Variants in CFAP58 observed in about 807,000 individuals in gnomAD.
CFAP58 encodes cilia- and flagella-associated protein 58.
A neutral mutation model predicts 119.5 loss-of-function variants in CFAP58; 88 were observed. The observed-to-expected ratio is 0.74, with a 90% CI of 0.62 to 0.88. The LOEUF is 0.88. Ranked by LOEUF, CFAP58 falls within the 40% of genes least tolerant of loss-of-function variation. The probability of loss-of-function intolerance (pLI) is 0.00; values close to 1 mark genes in which losing one functional copy is unlikely to be tolerated. For synonymous variants in CFAP58, 365 were observed against 366.3 expected (o/e 1.00, Z 0.04); for missense variants, 990 against 1,021.2 (o/e 0.97, Z 0.42).
At chr10:104,357,940 T>C (rs931341684) in intron 1 of CFAP58, among the ~76,000 whole-genome samples, 11 of 130,428 alleles carry the variant, frequency 8.4e-5, no homozygotes, top group Admixed American at 4.2e-4. Flanking sequence ...TACACACATA[T>C]ATGTACACAT....
intron 15 of CFAP58, among the ~76,000 whole-genome samples, chr10:104,423,654 T>G (rs2012696640): frequency 6.6e-6 from 1 of 152,140 alleles, no homozygotes; most frequent in African/African-American, 2.4e-5. Flanking sequence ...AATTTCTCAG[T>G]GGAACATTTA....
intron 15 of CFAP58, among the ~76,000 whole-genome samples, chr10:104,430,498 A>C (rs2012828072): frequency 6.6e-6 from 1 of 152,268 alleles, no homozygotes; most frequent in Admixed American, 6.5e-5. Context: ...AGCTTAATAC[A>C]CAATTTTCCA....
intron 9 of CFAP58, among the ~76,000 whole-genome samples, chr10:104,391,898 G>T (rs1490486356): frequency 6.6e-6 from 1 of 152,178 alleles, no homozygotes; most frequent in South Asian, 2.1e-4. Context: ...GTTTAAGCCT[G>T]TGACTATTTT....
chr10:104,358,169 CAG>C (rs1441002161), intron 1 of CFAP58, among the ~76,000 whole-genome samples, 170 bp from the exon 2 acceptor site: 1 of 143,116 alleles, frequency 7.0e-6, no homozygotes, highest in Non-Finnish European at 1.5e-5. Context: ...ACATAAGCAT[CAG>C]GGTCTGAACA....
chr10:104,392,185 G>A (rs1217930236), intron 9 of CFAP58, 48 bp from the exon 10 acceptor site: 2 of 1,542,824 alleles, frequency 1.3e-6, no homozygotes, highest in African/African-American at 1.4e-5. Flanking sequence ...GAACCAATAA[G>A]CACAGATGGG....
upstream of CFAP58, chr10:104,353,728 C>G (rs924060647): frequency 1.6e-6 from 1 of 642,066 alleles, no homozygotes; most frequent in Non-Finnish European, 2.7e-6. Flanking sequence ...GCTAGCGCCC[C>G]TAGAGGGCGT....
intron 8 of CFAP58, 30 bp from the exon 9 acceptor site, chr10:104,379,999 A>T: frequency 1.3e-6 from 2 of 1,591,574 alleles, no homozygotes; most frequent in Non-Finnish European, 1.7e-6. Context: ...CATTATGAGT[A>T]ATGTGACTGC....
intron 7 of CFAP58, among the ~76,000 whole-genome samples, chr10:104,375,886 T>C (rs2011650228): frequency 6.6e-6 from 1 of 152,114 alleles, no homozygotes; most frequent in South Asian, 2.1e-4. Context: ...AAGGAAATGC[T>C]CAGGTTTAGA....
At chr10:104,358,064 TAC>T (rs1367617584) in intron 1 of CFAP58, among the ~76,000 whole-genome samples, 7 of 144,696 alleles carry the variant, frequency 4.8e-5, no homozygotes, top group African/African-American at 1.6e-4. Flanking sequence ...TGTACATATA[TAC>T]ACATATGTAC....
chr10:104,442,983 C>T (rs750232245), intron 15 of CFAP58, among the ~76,000 whole-genome samples: 7 of 152,106 alleles, frequency 4.6e-5, no homozygotes, highest in Non-Finnish European at 7.3e-5. Context: ...TGGTAAAATA[C>T]GATGGGCATA....
intron 9 of CFAP58, among the ~76,000 whole-genome samples, chr10:104,381,565 A>G (rs996603482): frequency 1.3e-5 from 2 of 152,140 alleles, no homozygotes; most frequent in African/African-American, 2.4e-5. Context: ...CATCTCCTCA[A>G]TGAAATTCAG....
intron 9 of CFAP58, among the ~76,000 whole-genome samples, chr10:104,386,062 CTTTT>C (rs34685828): frequency 2.1e-5 from 3 of 140,494 alleles, no homozygotes; most frequent in African/African-American, 2.6e-5. Context: ...TCCTTTTTTG[CTTTT>C]TTTTTTTTTT....
intron 11 of CFAP58, among the ~76,000 whole-genome samples, chr10:104,396,460 GAGAA>G (rs1276365544): frequency 1.4e-5 from 2 of 139,986 alleles, no homozygotes; most frequent in Non-Finnish European, 3.1e-5. Context: ...GAGAAAGAAA[GAGAA>G]AGAGAGAGAG....
intron 1 of CFAP58, among the ~76,000 whole-genome samples, chr10:104,356,241 G>T (rs868728818): frequency 6.6e-6 from 1 of 152,154 alleles, no homozygotes; most frequent in Non-Finnish European, 1.5e-5. Context: ...AGACTGTTTT[G>T]CTTGCATGTC....
chr10:104,357,680 C>A (rs893547347), intron 1 of CFAP58, among the ~76,000 whole-genome samples: 1 of 151,890 alleles, frequency 6.6e-6, no homozygotes, highest in South Asian at 2.1e-4. Flanking sequence ...GTAGTGGGAA[C>A]TACTTTTATC....
intron 3 of CFAP58, among the ~76,000 whole-genome samples, chr10:104,362,579 C>A (rs2014684820): frequency 6.6e-6 from 1 of 152,140 alleles, no homozygotes; most frequent in Admixed American, 6.6e-5. Context: ...CTGCTCTTCC[C>A]TCCTCCTGCT....
chr10:104,389,673 A>G (rs376869029), intron 9 of CFAP58, among the ~76,000 whole-genome samples: 8 of 152,198 alleles, frequency 5.3e-5, no homozygotes, highest in African/African-American at 1.9e-4. Context: ...ACTTGAGGGT[A>G]GAGAATGTGT....
chr10:104,364,120 G>C (rs1245977902), intron 3 of CFAP58, among the ~76,000 whole-genome samples: 1 of 152,150 alleles, frequency 6.6e-6, no homozygotes, highest in Non-Finnish European at 1.5e-5. Context: ...TCATTTGGGA[G>C]AAACTAATCT....
At chr10:104,437,051 A>G (rs1234168247) in intron 15 of CFAP58, among the ~76,000 whole-genome samples, 1 of 152,330 alleles carries the variant, frequency 6.6e-6, no homozygotes, top group East Asian at 1.9e-4. Context: ...GAAATGTTCT[A>G]TTTCATATAA....
Sources: gnomAD v4.1 joint callset for allele counts (sites outside exome capture counted in the v4.1 genomes callset) on GRCh38, gnomAD v4.1.1 for gene constraint, MANE v1.5 for transcripts, NCBI Gene and HGNC (gene_info 2026-07-23, HGNC 2026-07-21) for gene names.